HNF1A: variants seen among roughly 807,000 people sequenced by gnomAD.
HNF1A encodes the protein HNF1 homeobox A, also known as hepatocyte nuclear factor 1-alpha.
Under a neutral mutation model 62.2 loss-of-function variants are expected in HNF1A, and 21 were observed. The observed-to-expected ratio is 0.34, with a 90% CI of 0.24 to 0.49. HNF1A has a LOEUF of 0.49. Among genes scored for constraint, HNF1A ranks in the 20% least tolerant of loss-of-function variants. HNF1A has a pLI of 0.99. For synonymous variants in HNF1A, 374 were observed against 366.8 expected (o/e 1.02, Z -0.22); for missense variants, 687 against 832.3 (o/e 0.83, Z 2.15).
chr12:120,999,809 G>A (rs1444192498), intron 9 of HNF1A, among the ~76,000 whole-genome samples, 182 bp downstream of exon 9: 1 of 152,146 alleles, frequency 6.6e-6, no homozygotes, highest in African/African-American at 2.4e-5. Context: ...AAGAGGCACA[G>A]GCGACCCCAG....
Position 120,997,538 on chromosome 12 carries a change from CCTGCAGCCCGTCCAGTTCTCCCAGCCG to C in HNF1A, c.1380_1406del (p.Gln460_Leu468del), listed in dbSNP as rs544842497. ...ACAGCATGGGCAGCAGCCTGACCAC[CCTGCAGCCCGTCCAGTTCTCCCAGCCG>C]CTGCACCCCTCCTACCAGCAGCCGC... On this transcript the variant is annotated inframe_deletion, in exon 7 of 10. Coordinates refer to ENST00000257555, the MANE Select transcript of HNF1A (RefSeq NM_000545.8). The C allele has an allele frequency of 5.4e-5, 87 of 1,613,646 alleles. 1 individual carries two copies. In the Admixed American group the frequency reaches 1.2e-3, roughly 22 times the overall value.
chr12:120,981,948 C>T (rs1296764597), intron 1 of HNF1A, among the ~76,000 whole-genome samples: 1 of 152,220 alleles, frequency 6.6e-6, no homozygotes, highest in Non-Finnish European at 1.5e-5. Flanking sequence ...CCCTGTTGGT[C>T]AGGGCCCAGC....
chr12:120,997,854 G>A (rs1307473899), intron 7 of HNF1A, 189 bp downstream of exon 7: 8 of 733,606 alleles, frequency 1.1e-5, no homozygotes, highest in South Asian at 4.4e-5. Context: ...GTGTGTGCAC[G>A]ACTGCTTGTG....
chr12:120,999,665 C>T, intron 9 of HNF1A, 38 bp downstream of exon 9: 1 of 1,592,002 alleles, frequency 6.3e-7, no homozygotes, highest in Non-Finnish European at 8.5e-7. Context: ...CTTACTGTCC[C>T]TGCCCCCTTC....
rs1877109163 is a variant in HNF1A at position 120,996,533 on chromosome 12, C to T, written c.1108-8C>T. The T allele has an allele frequency of 6.2e-7, 1 of 1,613,334 alleles. No individual in the cohort carries two copies. The highest frequency in any genetic ancestry group is 1.7e-5 in the Admixed American group (1 of 59,966). On this transcript the variant is annotated splice_polypyrimidine_tract_variant and splice_region_variant and intron_variant, in intron 5 of 9. Coordinates refer to ENST00000257555, the MANE Select transcript of HNF1A (RefSeq NM_000545.8). This position sits in a 1 kb window ranked among gnomAD's most constrained non-coding sequence, Gnocchi z 4.5. Reference sequence around the variant, plus strand: ...GCCCCCCGGACACAGCTTGGCTTCCCCTCGTAGGTCTCAGCAGCTGGGGGC... The same window carrying T: ...GCCCCCCGGACACAGCTTGGCTTCCTCTCGTAGGTCTCAGCAGCTGGGGGC...
At chr12:120,988,502 A>G (rs774378607) in intron 1 of HNF1A, among the ~76,000 whole-genome samples, 1 of 152,070 alleles carries the variant, frequency 6.6e-6, no homozygotes, top group Non-Finnish European at 1.5e-5. Flanking sequence ...CCATCCACAT[A>G]TCTTCATCTG....
intron 1 of HNF1A, among the ~76,000 whole-genome samples, chr12:120,982,171 G>A (rs1284754731): frequency 2.0e-5 from 3 of 152,164 alleles, no homozygotes; most frequent in Non-Finnish European, 4.4e-5. Context: ...CTGGGTTCAC[G>A]CCATTCTCCT....
In HNF1A at chr12:120,994,215, C is replaced by G. The variant is rs757910486; in HGVS notation, c.765C>G (p.Gly255=). ...CCCCATCACAGGCACAGGGGCTGGGCTCCAACCTCGTCACGGAGGTGCGTG... is the reference window on the plus strand; with the variant it reads ...CCCCATCACAGGCACAGGGGCTGGGGTCCAACCTCGTCACGGAGGTGCGTG... ...GVSPSQAQGL[G]SNLVTEVRVY... The change falls in exon 4 of 10, where the codon GGC becomes GGG. Residue 255 remains glycine (G), a synonymous_variant. Transcript: ENST00000257555. The G allele has an allele frequency of 5.6e-6, 9 of 1,613,654 alleles. No homozygotes were observed. The highest frequency in any genetic ancestry group is 7.6e-6 in the Non-Finnish European group (9 of 1,179,824).
intron 1 of HNF1A, among the ~76,000 whole-genome samples, chr12:120,984,755 T>C (rs558319918): frequency 7.9e-5 from 12 of 152,040 alleles, no homozygotes; most frequent in Admixed American, 5.9e-4. Flanking sequence ...GGGGTGGTCC[T>C]GGCAACATGA....
At chr12:120,999,968 G>T (rs1401742479) in intron 9 of HNF1A, among the ~76,000 whole-genome samples, 1 of 152,218 alleles carries the variant, frequency 6.6e-6, no homozygotes, top group Non-Finnish European at 1.5e-5. Context: ...GCTTGGCTCA[G>T]GGTTGAACAT....
intron 1 of HNF1A, among the ~76,000 whole-genome samples, chr12:120,987,008 G>C (rs1876543732): frequency 6.6e-6 from 1 of 152,154 alleles, no homozygotes; most frequent in African/African-American, 2.4e-5. Flanking sequence ...GATCCCTTCT[G>C]TTCCCCCACA....
At chr12:120,990,615 GATA>G (rs1565884425) in intron 2 of HNF1A, among the ~76,000 whole-genome samples, 32 of 126,500 alleles carry the variant, frequency 2.5e-4, no homozygotes, top group African/African-American at 1.0e-3. Flanking sequence ...AGGGAGGAAA[GATA>G]GGAAAGGGAG....
Position 120,996,670 on chromosome 12 carries a change from A to ACC in HNF1A, c.1238_1239dup (p.Ile414ProfsTer44). 6.2e-7 allele frequency: 1 copy of ACC among 1,613,810 alleles called. No individual in the cohort carries two copies. Among genetic ancestry groups the ACC allele is most frequent in the Non-Finnish European group, 8.5e-7 (1 of 1,179,966 alleles). On this transcript the variant is annotated frameshift_variant, in exon 6 of 10. Coordinates refer to ENST00000257555, the MANE Select transcript of HNF1A (RefSeq NM_000545.8). LOFTEE classifies it high-confidence loss of function. The surrounding 1 kb of genome is among the most constrained non-coding windows in gnomAD (Gnocchi z 4.5). ...CATGGCCTCACTTCCTGGGGTCATG[A>ACC]CCATCGGGCCTGGTGAGCCTGCCTC...
chr12:120,997,709 T>G, intron 7 of HNF1A, 44 bp downstream of exon 7: 1 of 1,572,176 alleles, frequency 6.4e-7, no homozygotes, highest in South Asian at 1.2e-5. Context: ...ATGATAGAGG[T>G]TGGCTGTCAA....
chr12:120,988,047 ACCAT>A (rs1218672289), intron 1 of HNF1A, among the ~76,000 whole-genome samples: 4 of 134,480 alleles, frequency 3.0e-5, no homozygotes, highest in South Asian at 5.4e-4. Flanking sequence ...CATTCATCCA[ACCAT>A]CCATCCATCC....
chr12:120,979,661 T>C (rs1299221611), intron 1 of HNF1A: 1 of 156,644 alleles, frequency 6.4e-6, no homozygotes, highest in Non-Finnish European at 1.4e-5. Context: ...CTTTCCTGTA[T>C]GGCCACAGGC....
chr12:120,996,239 CA>C lies in HNF1A; in HGVS notation c.956-22del. On this transcript the variant is annotated intron_variant, in intron 4 of 9. Coordinates refer to ENST00000257555, the MANE Select transcript of HNF1A (RefSeq NM_000545.8). The surrounding 1 kb of genome is among the most constrained non-coding windows in gnomAD (Gnocchi z 4.5). ...AGGGCAGGGAAGTGGGGTGCTGAGG[CA>C]GGACACTGCTTCCCTCTCCAGGTGT... 6.2e-7 allele frequency: 1 copy of C among 1,613,426 alleles called. No homozygotes were observed. The highest frequency in any genetic ancestry group is 1.3e-5 in the African/African-American group (1 of 75,032).
At position 120,997,155 on chromosome 12, in the gene HNF1A, C is replaced by T. The variant is rs899832988; in HGVS notation, c.1310-319C>T. 11 of 1,408,462 alleles carry T rather than the reference C, an allele frequency of 7.8e-6. No homozygotes were observed. The Admixed American group carries it at 1.2e-4, about 15-fold the overall frequency. 87.2% of individuals were successfully genotyped at this position (1,408,462 alleles called of 1,614,324 possible). A position where few individuals can be genotyped will look rare whatever the true frequency, so the allele number is the denominator to read the frequency against. ...ATAAGGAGCTGCTAGGAGAGGGGAG[C>T]AGAGAACTGACCCCATGGCCTTTGC... On this transcript the variant is annotated intron_variant, in intron 6 of 9. Transcript: ENST00000257555.
chr12:120,987,927 T>C (rs1487248326), intron 1 of HNF1A, among the ~76,000 whole-genome samples: 1 of 152,158 alleles, frequency 6.6e-6, no homozygotes, highest in Non-Finnish European at 1.5e-5. Flanking sequence ...AATTGGAGAA[T>C]CCATATTTCT....
Sources: allele counts gnomAD v4.1 joint callset (sites outside exome capture counted in the v4.1 genomes callset), GRCh38; gene constraint gnomAD v4.1.1; non-coding constraint Gnocchi (gnomAD v3.1); transcripts MANE v1.5; gene names NCBI Gene and HGNC (gene_info 2026-07-23, HGNC 2026-07-21).